Variants in STARD9 observed in about 807,000 individuals in gnomAD.
The protein encoded by STARD9 is stAR-related lipid transfer protein 9.
STARD9 carries 346 observed loss-of-function variants against 399.8 expected under a neutral mutation model. That is an observed-to-expected ratio of 0.87 (90% CI 0.79 to 0.95). STARD9 has a LOEUF of 0.95. STARD9 is among the 40% of genes least tolerant of loss of function. The pLI, the probability that STARD9 is intolerant of heterozygous loss-of-function variation, is 0.00. For missense variants in STARD9, 5,832 were observed against 5,667.5 expected (o/e 1.03, Z -0.93); for synonymous variants, 2,203 against 2,143.5 (o/e 1.03, Z -0.77).
intron 9 of STARD9, among the ~76,000 whole-genome samples, chr15:42,656,616 G>A (rs1456633002): frequency 6.6e-6 from 1 of 152,150 alleles, no homozygotes; most frequent in Non-Finnish European, 1.5e-5. Context: ...AAAATGTGGT[G>A]TATGTATACT....
chr15:42,675,637 G>T, intron 18 of STARD9, 27 bp from the exon 19 acceptor site: 1 of 1,517,860 alleles, frequency 6.6e-7, no homozygotes, highest in South Asian at 1.2e-5. Context: ...GCTGTTGATT[G>T]AATTCTCATT....
chr15:42,632,795 C>A (rs1473779742), intron 3 of STARD9, among the ~76,000 whole-genome samples: 5 of 151,920 alleles, frequency 3.3e-5, no homozygotes, highest in African/African-American at 1.2e-4. Context: ...TAAGCTATGA[C>A]TGTGCCACTG....
rs1000479410 is a variant in STARD9 at position 42,585,629 on chromosome 15, C to T, written c.226C>T (p.Gln76Ter). The T allele has an allele frequency of 3.3e-6, 5 of 1,522,102 alleles. No homozygotes were observed. The highest frequency in any genetic ancestry group is 4.4e-6 in the Non-Finnish European group (5 of 1,133,250). 94.3% of individuals were successfully genotyped at this position (1,522,102 alleles called of 1,614,324 possible). ...VNPEDPQYAS[Q>*]DVVFQDLGME... ...CCCAGAGGATCCCCAGTATGCATCT[C>T]AAGATGTGGTAATATCATTTATCAT... The change falls in exon 3 of 33, where the codon CAA becomes TAA. Residue 76 changes from glutamine to a stop codon, truncating the protein, a stop_gained. Transcript: ENST00000290607. LOFTEE classifies it high-confidence loss of function.
intron 26 of STARD9, among the ~76,000 whole-genome samples, chr15:42,710,185 T>C (rs1259400682): frequency 6.6e-6 from 1 of 150,452 alleles, no homozygotes; most frequent in Non-Finnish European, 1.5e-5. Context: ...CTCAGCCTCC[T>C]GAGTACCTGG....
intron 3 of STARD9, among the ~76,000 whole-genome samples, chr15:42,588,799 T>G (rs1473880747): frequency 2.9e-4 from 11 of 38,340 alleles, no homozygotes; most frequent in Admixed American, 6.3e-4. Flanking sequence ...TTTTTTTTTT[T>G]TTTTTTTTTT....
At chr15:42,577,305 C>T (rs542734937) in intron 1 of STARD9, among the ~76,000 whole-genome samples, 93 of 152,294 alleles carry the variant, frequency 6.1e-4, no homozygotes, top group African/African-American at 2.2e-3. Context: ...AGGCACCCGC[C>T]ACCATGCCCG....
intron 3 of STARD9, among the ~76,000 whole-genome samples, chr15:42,597,816 C>G: frequency 6.6e-6 from 1 of 151,718 alleles, no homozygotes; most frequent in Non-Finnish European, 1.5e-5. Context: ...GGATTTCAGG[C>G]GTGAGCCACA....
At chr15:42,703,530 A>ATTTTTTTT (rs35809542) in intron 26 of STARD9, among the ~76,000 whole-genome samples, 1 of 135,174 alleles carries the variant, frequency 7.4e-6, no homozygotes. Flanking sequence ...TGCCTGGCTG[A>ATTTTTTTT]TTTTTTTTTT....
chr15:42,708,248 T>C (rs926543971), intron 26 of STARD9, among the ~76,000 whole-genome samples: 1 of 152,282 alleles, frequency 6.6e-6, no homozygotes, highest in Non-Finnish European at 1.5e-5. Context: ...GGATTAGTTA[T>C]TTGAAAAACT....
At chr15:42,682,060 G>A in intron 21 of STARD9, 44 bp from the exon 22 acceptor site, 1 of 1,328,310 alleles carries the variant, frequency 7.5e-7, no homozygotes, top group Non-Finnish European at 1.0e-6. Flanking sequence ...CCACAAGCAG[G>A]GAAGGAGATG....
chr15:42,581,224 TC>T (rs1190737721), intron 1 of STARD9: 17 of 789,906 alleles, frequency 2.2e-5, no homozygotes, highest in Non-Finnish European at 3.7e-5. Context: ...TGTGGAGTCT[TC>T]AGTTAAGGTG....
At chr15:42,580,761 G>A (rs1226996659) in intron 1 of STARD9, among the ~76,000 whole-genome samples, 1 of 152,148 alleles carries the variant, frequency 6.6e-6, no homozygotes, top group African/African-American at 2.4e-5. Context: ...GCAGTGAGCA[G>A]AGATCATGCC....
At chr15:42,597,219 C>T (rs921371631) in intron 3 of STARD9, among the ~76,000 whole-genome samples, 10 of 152,108 alleles carry the variant, frequency 6.6e-5, no homozygotes, top group Admixed American at 6.6e-4. Context: ...CCTCAGTCTC[C>T]CATGTAGCTG....
intron 3 of STARD9, among the ~76,000 whole-genome samples, chr15:42,590,144 G>A (rs2058366156): frequency 6.6e-6 from 1 of 151,058 alleles, no homozygotes; most frequent in East Asian, 1.9e-4. Context: ...TGTAGTTTTT[G>A]TAGAAATGTG....
At chr15:42,593,160 G>C (rs1400777515) in intron 3 of STARD9, among the ~76,000 whole-genome samples, 1 of 152,168 alleles carries the variant, frequency 6.6e-6, no homozygotes, top group Non-Finnish European at 1.5e-5. Flanking sequence ...CAAGGCTCAT[G>C]ATATTTTTCT....
At chr15:42,621,965 TTATC>T (rs1409291839) in intron 3 of STARD9, among the ~76,000 whole-genome samples, 1 of 152,184 alleles carries the variant, frequency 6.6e-6, no homozygotes, top group Admixed American at 6.5e-5. Context: ...ACACATACAT[TTATC>T]TATTTCTTTT....
chr15:42,592,314 G>A (rs779964210), intron 3 of STARD9, among the ~76,000 whole-genome samples: 9 of 152,154 alleles, frequency 5.9e-5, no homozygotes, highest in African/African-American at 9.7e-5. Flanking sequence ...AAAAGGAAGC[G>A]ATGGAAAACT....
At chr15:42,678,933 T>C (rs1384472195) in intron 20 of STARD9, among the ~76,000 whole-genome samples, 1 of 152,210 alleles carries the variant, frequency 6.6e-6, no homozygotes, top group Non-Finnish European at 1.5e-5. Context: ...ATGTGCTGCA[T>C]CTATACAGAT....
intron 3 of STARD9, among the ~76,000 whole-genome samples, chr15:42,619,686 A>G (rs1052030917): frequency 1.7e-4 from 26 of 152,212 alleles, no homozygotes; most frequent in Non-Finnish European, 2.8e-4. Flanking sequence ...AGCTCAGGCA[A>G]TGAAGTGAGC....
Sources: gnomAD v4.1 joint callset for allele counts (sites outside exome capture counted in the v4.1 genomes callset) on GRCh38, gnomAD v4.1.1 for gene constraint, MANE v1.5 for transcripts, NCBI Gene and HGNC (gene_info 2026-07-23, HGNC 2026-07-21) for gene names.